FRK: variants seen among roughly 807,000 people sequenced by gnomAD.
The protein encoded by FRK is fyn related Src family tyrosine kinase.
In FRK, 51 loss-of-function variants were observed where a neutral mutation model predicts 56.4. The ratio of observed to expected loss-of-function variants is 0.90; its 90% confidence interval spans 0.72 to 1.14. FRK has a LOEUF of 1.14. Ranked by LOEUF, FRK falls within the 50% of genes most tolerant of loss-of-function variation. The pLI is 0.00. For synonymous variants in FRK, 245 were observed against 217.9 expected (o/e 1.12, Z -1.10); for missense variants, 570 against 601.4 (o/e 0.95, Z 0.55).
chr6:115,933,865 A>C lies in FRK; in HGVS notation c.*8549T>G, dbSNP rs1380532173. The C allele has an allele frequency of 1.3e-5, 2 of 152,196 alleles. No homozygotes were observed. The highest frequency in any genetic ancestry group is 2.9e-5 in the Non-Finnish European group (2 of 68,034). The allele number at this position is 152,196 out of a possible 1,614,324, so 9.4% of individuals were successfully genotyped here. ...TATACACAGTCAACTAATTTGAAAG[A>C]TTAGTGTTGATCTTATCTTAGAAAT... is the stretch of plus-strand genomic sequence containing the variant. On this transcript the variant is annotated 3_prime_UTR_variant, in exon 8 of 8. Coordinates refer to ENST00000606080, the MANE Select transcript of FRK (RefSeq NM_002031.3).
chr6:116,035,735 T>C (rs1401951687), intron 1 of FRK, among the ~76,000 whole-genome samples: 1 of 152,112 alleles, frequency 6.6e-6, no homozygotes, highest in Admixed American at 6.6e-5. Flanking sequence ...ACGTTTTCCT[T>C]AATCACTACT....
the FRK span, among the ~76,000 whole-genome samples, chr6:116,076,058 C>G: frequency 6.6e-6 from 1 of 151,216 alleles, no homozygotes; most frequent in Non-Finnish European, 1.5e-5. Context: ...TTATTGTTTT[C>G]TTAGTGCTCT....
chr6:116,017,761 T>C (rs1316863027), intron 1 of FRK, among the ~76,000 whole-genome samples: 2 of 152,096 alleles, frequency 1.3e-5, no homozygotes, highest in Non-Finnish European at 2.9e-5. Flanking sequence ...GTACTACAAT[T>C]TGAAAAACAC....
chr6:115,968,668 T>A lies in FRK; in HGVS notation c.538A>T (p.Arg180Ter), dbSNP rs575177889. 8 of 1,613,918 alleles carry A rather than the reference T, an allele frequency of 5.0e-6. No homozygotes were observed. The South Asian group carries it at 8.8e-5, about 18-fold the overall frequency. The change falls in exon 3 of 8, where the codon AGA (arginine) becomes TGA (stop). Residue 180 changes from arginine (R) to a stop codon, truncating the protein, a stop_gained. Coordinates refer to ENST00000606080, the MANE Select transcript of FRK (RefSeq NM_002031.3). LOFTEE classifies it high-confidence loss of function. ...TCGTTCAGTGTTGAAAAGATTCTTC[T>A]TCGCGTGAGAAAAAATCCCCCTTCA... ...LDEGGFFLTR[R>*]RIFSTLNEFV...
chr6:116,074,889 T>C, the FRK span, among the ~76,000 whole-genome samples: 1 of 152,152 alleles, frequency 6.6e-6, no homozygotes, highest in Non-Finnish European at 1.5e-5. Flanking sequence ...CCATGCTGTG[T>C]TCCCTTTGAC....
At chr6:116,030,416 G>C (rs1299979767) in intron 1 of FRK, among the ~76,000 whole-genome samples, 2 of 152,118 alleles carry the variant, frequency 1.3e-5, no homozygotes, top group Non-Finnish European at 2.9e-5. Flanking sequence ...AAAATGATAA[G>C]AGTTTTAGGA....
In FRK at chr6:115,970,994, C is replaced by A. The variant is rs533563119; in HGVS notation, c.467-2255G>T. ...GAGGGGTCAGTGACTGGGACGTTAA[C>A]CTTATTCTGTTTCTTAACTTGGTGC... On this transcript the variant is annotated intron_variant, in intron 2 of 7. Transcript: ENST00000606080. Among the ~76,000 whole-genome samples, 3 of 152,206 alleles carry A rather than the reference C, an allele frequency of 2.0e-5. No individual in the cohort carries two copies. In the East Asian group the frequency reaches 5.8e-4, roughly 29 times the overall value.
Position 116,041,452 on chromosome 6 carries a change from C to T in FRK, c.344+18516G>A, listed in dbSNP as rs78295744. 1.8e-4 allele frequency among the ~76,000 whole-genome samples: 28 copies of T among 152,230 alleles called. No homozygotes were observed. The East Asian group carries it at 1.9e-3, about 11-fold the overall frequency. On this transcript the variant is annotated intron_variant, in intron 1 of 7. Coordinates refer to ENST00000606080, the MANE Select transcript of FRK (RefSeq NM_002031.3). ...TTCCTTGAAGCATCTTGGATTAAGTCGTGCGCAAGATGGCTGAATAGGAAC... is the reference window on the plus strand; with the variant it reads ...TTCCTTGAAGCATCTTGGATTAAGTTGTGCGCAAGATGGCTGAATAGGAAC...
chr6:116,003,371 G>A (rs1292811744), intron 2 of FRK, among the ~76,000 whole-genome samples: 2 of 152,092 alleles, frequency 1.3e-5, no homozygotes, highest in African/African-American at 4.8e-5. Flanking sequence ...TTTCTCCTGG[G>A]GCAGTGTAAA....
chr6:116,015,233 C>T (rs530813601), intron 1 of FRK, among the ~76,000 whole-genome samples: 1 of 152,244 alleles, frequency 6.6e-6, no homozygotes, highest in East Asian at 1.9e-4. Flanking sequence ...CCATGCCGTT[C>T]TCATGGTAGT....
chr6:116,075,646 A>C, the FRK span, among the ~76,000 whole-genome samples: 1 of 152,138 alleles, frequency 6.6e-6, no homozygotes, highest in Non-Finnish European at 1.5e-5. Context: ...CCTAGACCTC[A>C]GTCTTTGGCT....
At chr6:115,987,349 C>T (rs1037634736) in intron 2 of FRK, among the ~76,000 whole-genome samples, 1 of 151,938 alleles carries the variant, frequency 6.6e-6, no homozygotes, top group Non-Finnish European at 1.5e-5. Flanking sequence ...ACCCAAGCAC[C>T]CTGGCTGCAG....
chr6:116,037,399 G>T (rs1202832897), intron 1 of FRK, among the ~76,000 whole-genome samples: 1 of 152,214 alleles, frequency 6.6e-6, no homozygotes, highest in South Asian at 2.1e-4. Context: ...GGGAAGAAAT[G>T]GGCTTAATTC....
At position 115,932,386 on chromosome 6, in the gene FRK, C is replaced by T. The variant is rs1287897963; in HGVS notation, c.*10028G>A. On this transcript the variant is annotated 3_prime_UTR_variant, in exon 8 of 8. Transcript: ENST00000606080. ...ATCCTATGACACTGAATATTTGCATCATGTTGAAGATTATAGACTGAATCT... is the reference window on the plus strand; with the variant it reads ...ATCCTATGACACTGAATATTTGCATTATGTTGAAGATTATAGACTGAATCT... 1 of 152,176 alleles carries T rather than the reference C, an allele frequency of 6.6e-6. No homozygotes were observed. Among genetic ancestry groups the T allele is most frequent in the Non-Finnish European group, 1.5e-5 (1 of 68,034 alleles). The allele number at this position is 152,176 out of a possible 1,614,324, so 9.4% of individuals were successfully genotyped here.
intron 2 of FRK, 82 bp downstream of exon 2, chr6:116,003,795 T>C: frequency 6.7e-7 from 1 of 1,482,528 alleles, no homozygotes; most frequent in South Asian, 1.3e-5. Flanking sequence ...AAATTTTAAA[T>C]GATCGTGTCC....
chr6:116,068,186 CAAT>C, the FRK span, among the ~76,000 whole-genome samples: 1 of 152,042 alleles, frequency 6.6e-6, no homozygotes, highest in Non-Finnish European at 1.5e-5. Context: ...CAGAGGAAAA[CAAT>C]GATGATGATC....
chr6:115,944,469 T>C lies in FRK; in HGVS notation c.959-44A>G, dbSNP rs780127269. On this transcript the variant is annotated intron_variant, in intron 5 of 7. Coordinates refer to ENST00000606080, the MANE Select transcript of FRK (RefSeq NM_002031.3). Reference sequence around the variant, plus strand: ...GTAAGAAAGTTACCTTAGAGAACATTTGAACTATGAAAGTGAATTCTGAGA... The same window carrying C: ...GTAAGAAAGTTACCTTAGAGAACATCTGAACTATGAAAGTGAATTCTGAGA... 1.5e-5 allele frequency: 22 copies of C among 1,476,670 alleles called. No homozygotes were observed. Among genetic ancestry groups the C allele is most frequent in the Non-Finnish European group, 2.8e-6 (3 of 1,086,710 alleles). The allele number at this position is 1,476,670 out of a possible 1,614,324, so 91.5% of individuals were successfully genotyped here. A position where few individuals can be genotyped will look rare whatever the true frequency, so the allele number is the denominator to read the frequency against.
chr6:116,085,705 TG>T, the FRK span, among the ~76,000 whole-genome samples: 3 of 151,946 alleles, frequency 2.0e-5, no homozygotes, highest in African/African-American at 7.3e-5. Context: ...ACAGGCCGTG[TG>T]TGTGTGGGTG....
intron 5 of FRK, among the ~76,000 whole-genome samples, chr6:115,955,377 C>A (rs1286509531): frequency 1.3e-5 from 2 of 152,084 alleles, no homozygotes; most frequent in Non-Finnish European, 2.9e-5. Context: ...TTATTAAGGA[C>A]CTTTATAAAG....
Sources: gnomAD v4.1 joint callset for allele counts (sites outside exome capture counted in the v4.1 genomes callset) on GRCh38, gnomAD v4.1.1 for gene constraint, MANE v1.5 for transcripts, NCBI Gene and HGNC (gene_info 2026-07-23, HGNC 2026-07-21) for gene names.